The following PCDH15 variants were observed in gnomAD, a reference collection of about 807,000 sequenced individuals.
PCDH15 encodes the protein protocadherin related 15.
In PCDH15, 129 loss-of-function variants were observed where a neutral mutation model predicts 178.5. That is an observed-to-expected ratio of 0.72 (90% confidence interval 0.63 to 0.84). The LOEUF (loss-of-function observed/expected upper bound fraction) is 0.84. PCDH15 is among the 40% of genes least tolerant of loss of function. The probability of loss-of-function intolerance (pLI) is 0.00; values close to 1 mark genes in which losing one functional copy is unlikely to be tolerated. For missense variants in PCDH15, 2,230 were observed against 2,099.9 expected (o/e 1.06, Z -1.21); for synonymous variants, 800 against 732.0 (o/e 1.09, Z -1.50).
intron 1 of PCDH15, among the ~76,000 whole-genome samples, chr10:55,305,442 G>A (rs932206006): frequency 6.6e-6 from 1 of 152,200 alleles, no homozygotes; most frequent in African/African-American, 2.4e-5. Context: ...GAGTGGCATT[G>A]TCCTCATACC....
chr10:54,996,786 C>G (rs567499883), intron 2 of PCDH15, among the ~76,000 whole-genome samples: 119 of 152,094 alleles, frequency 7.8e-4, no homozygotes, highest in African/African-American at 2.8e-3. Context: ...CCCGAGTGTT[C>G]TTTGGAGTCT....
At chr10:54,527,081 T>C (rs994357243) in intron 3 of PCDH15, among the ~76,000 whole-genome samples, 2 of 152,142 alleles carry the variant, frequency 1.3e-5, no homozygotes, top group Non-Finnish European at 2.9e-5. Flanking sequence ...ATTTACATAC[T>C]TAGTTTAAAA....
In PCDH15 at chr10:55,174,474, A is replaced by G. The variant is rs114012476; in HGVS notation, c.-155-7823T>C. On this transcript the variant is annotated intron_variant, in intron 1 of 5. Transcript: ENST00000458638. Reference sequence around the variant, plus strand: ...GGCCTCCAGAGGAAAGTATTTTCACACTGTCCTGCAGCTGGACCTTTTCTG... The same window carrying G: ...GGCCTCCAGAGGAAAGTATTTTCACGCTGTCCTGCAGCTGGACCTTTTCTG... 7.8e-3 allele frequency among the ~76,000 whole-genome samples: 1,180 copies of G among 151,626 alleles called. 19 individuals carry two copies. Among genetic ancestry groups the G allele is most frequent in the African/African-American group, 0.027 (1,106 of 41,364 alleles).
At chr10:55,385,742 G>A (rs571923294) in intron 2 of PCDH15, among the ~76,000 whole-genome samples, 140 of 126,288 alleles carry the variant, frequency 1.1e-3, no homozygotes, top group Non-Finnish European at 1.5e-3. Context: ...CACGTATATA[G>A]ATATGCATAT....
intron 2 of PCDH15, among the ~76,000 whole-genome samples, chr10:54,597,843 A>G (rs1317563707): frequency 8.5e-5 from 13 of 152,168 alleles, no homozygotes; most frequent in Admixed American, 8.5e-4. Context: ...ACCATCAGAG[A>G]CTACTATGAA....
Position 53,961,727 on chromosome 10 carries a change from C to T in PCDH15, c.3009+25G>A, listed in dbSNP as rs533722348. 4 of 1,578,784 alleles carry T rather than the reference C, an allele frequency of 2.5e-6. No individual in the cohort carries two copies. The South Asian group carries it at 4.7e-5, about 19-fold the overall frequency. ...TATCAAAAATTAAACATCAAATAGA[C>T]CACATAATGAAAAGAGACACTGACC... On this transcript the variant is annotated intron_variant, in intron 22 of 37. Coordinates refer to ENST00000644397, the MANE Select transcript of PCDH15 (RefSeq NM_001384140.1).
chr10:54,857,597 C>G (rs893140077), intron 3 of PCDH15, among the ~76,000 whole-genome samples: 2 of 151,418 alleles, frequency 1.3e-5, no homozygotes, highest in Non-Finnish European at 2.9e-5. Context: ...AGGCACGTGC[C>G]GCCATGCCTG....
intron 1 of PCDH15, among the ~76,000 whole-genome samples, chr10:55,252,525 T>C (rs1841866002): frequency 6.6e-6 from 1 of 152,156 alleles, no homozygotes. Flanking sequence ...TTTTCATCTA[T>C]CCTTAGAAAT....
Position 54,475,416 on chromosome 10 carries a change from A to C in PCDH15, c.157+52396T>G, listed in dbSNP as rs545851057. 2.0e-5 allele frequency among the ~76,000 whole-genome samples: 3 copies of C among 152,070 alleles called. No homozygotes were observed. The South Asian group carries it at 6.2e-4, about 31-fold the overall frequency. ...TGTAACATTTTTAAGCCTTAATATC[A>C]CTATTTATAAAATTCCGATTACAAT... On this transcript the variant is annotated intron_variant, in intron 3 of 37. Transcript: ENST00000644397.
At chr10:54,232,924 CTTTTTTTTT>C (rs762364718) in intron 9 of PCDH15, among the ~76,000 whole-genome samples, 24 of 109,198 alleles carry the variant, frequency 2.2e-4, no homozygotes, top group Middle Eastern at 4.7e-3. Flanking sequence ...AGCTTTCTTT[CTTTTTTTTT>C]TTTTTTTTTT....
chr10:53,841,158 A>T (rs1466924248), intron 28 of PCDH15, among the ~76,000 whole-genome samples: 1 of 152,206 alleles, frequency 6.6e-6, no homozygotes, highest in Non-Finnish European at 1.5e-5. Flanking sequence ...TAATTTTCCC[A>T]TCTCATGACT....
chr10:53,847,965 T>G (rs977122498), intron 28 of PCDH15, among the ~76,000 whole-genome samples: 2 of 152,110 alleles, frequency 1.3e-5, no homozygotes, highest in Non-Finnish European at 2.9e-5. Flanking sequence ...TGGAAGCATC[T>G]AAAATATAAT....
chr10:54,493,604 G>GA (rs910059896), intron 3 of PCDH15, among the ~76,000 whole-genome samples: 13 of 147,680 alleles, frequency 8.8e-5, no homozygotes, highest in South Asian at 2.1e-4. Context: ...CAGTGACCCT[G>GA]AAAAAAAAAA....
At chr10:55,388,438 T>A (rs1030288567) in intron 2 of PCDH15, among the ~76,000 whole-genome samples, 3 of 152,084 alleles carry the variant, frequency 2.0e-5, no homozygotes, top group African/African-American at 7.2e-5. Flanking sequence ...CCAAGGCAAC[T>A]GATGGTTTCT....
intron 26 of PCDH15, among the ~76,000 whole-genome samples, chr10:53,899,189 G>T (rs2082163978): frequency 6.6e-6 from 1 of 151,290 alleles, no homozygotes; most frequent in African/African-American, 2.4e-5. Flanking sequence ...TGTAAGGGTA[G>T]AGAGAGCCTA....
At chr10:55,289,515 G>C (rs75201171) in intron 1 of PCDH15, among the ~76,000 whole-genome samples, 4 of 151,336 alleles carry the variant, frequency 2.6e-5, no homozygotes, top group African/African-American at 7.3e-5. Flanking sequence ...AGAAAGAAAA[G>C]TGTTAAAAAA....
intron 1 of PCDH15, among the ~76,000 whole-genome samples, chr10:54,683,084 T>G (rs1393077648): frequency 1.3e-5 from 2 of 152,150 alleles, no homozygotes; most frequent in Non-Finnish European, 2.9e-5. Flanking sequence ...AATTCTGAGA[T>G]ATTATAAGAC....
At chr10:54,029,541 T>C (rs1445712707) in intron 18 of PCDH15, among the ~76,000 whole-genome samples, 1 of 152,146 alleles carries the variant, frequency 6.6e-6, no homozygotes, top group Non-Finnish European at 1.5e-5. Flanking sequence ...AAGACCTCAC[T>C]GGACAGAACT....
At chr10:55,289,754 C>G (rs1842961848) in intron 1 of PCDH15, among the ~76,000 whole-genome samples, 1 of 152,032 alleles carries the variant, frequency 6.6e-6, no homozygotes, top group African/African-American at 2.4e-5. Flanking sequence ...AACTTAATCA[C>G]TATTGTAACA....
Sources: allele counts gnomAD v4.1 joint callset (sites outside exome capture counted in the v4.1 genomes callset), GRCh38; gene constraint gnomAD v4.1.1; transcripts MANE v1.5; gene names NCBI Gene and HGNC (gene_info 2026-07-23, HGNC 2026-07-21).